Variants in CACNA1C observed in about 807,000 individuals in gnomAD.
CACNA1C encodes calcium voltage-gated channel subunit alpha1 C, also known as voltage-dependent L-type calcium channel subunit alpha-1C.
Under a neutral mutation model 229.0 loss-of-function variants are expected in CACNA1C, and 30 were observed. That is an observed-to-expected ratio of 0.13 (90% confidence interval 0.10 to 0.18). The LOEUF is 0.18. CACNA1C is among the 10% of genes least tolerant of loss of function. The pLI, the probability that CACNA1C is intolerant of heterozygous loss-of-function variation, is 1.00. For missense variants in CACNA1C, 1,658 were observed against 2,845.0 expected (o/e 0.58, Z 9.49); for synonymous variants, 1,114 against 1,132.5 (o/e 0.98, Z 0.33).
Position 2,608,613 on chromosome 12 carries a change from C to T in CACNA1C, c.3459C>T (p.Ile1153=), listed in dbSNP as rs374850501. 7 of 1,609,848 alleles carry T rather than the reference C, an allele frequency of 4.3e-6. No individual in the cohort carries two copies. The highest frequency in any genetic ancestry group is 3.3e-4 in the Middle Eastern group (2 of 6,058). The change falls in exon 27 of 47, where the codon ATC becomes ATT. Residue 1153 remains isoleucine (I), a synonymous_variant. Transcript: ENST00000399655. The surrounding 1 kb of genome is among the most constrained non-coding windows in gnomAD (Gnocchi z 4.2). The part of the protein sequence containing the change: ...SIFFIIYIII[I]AFFMMNIFVG... ...TCTTCATCATCTACATCATCATCATCGCCTTCTTCATGATGAACATCTTCG... is the reference window on the plus strand; with the variant it reads ...TCTTCATCATCTACATCATCATCATTGCCTTCTTCATGATGAACATCTTCG...
chr12:2,651,865 C>A lies in CACNA1C; in HGVS notation c.4074+97C>A. On this transcript the variant is annotated intron_variant, in intron 32 of 46. Transcript: ENST00000399655. The surrounding 1 kb of genome is among the most constrained non-coding windows in gnomAD (Gnocchi z 5.4). ...AAGGAGGAGCCCTCCACTCTGGGGC[C>A]CTGCTCCTTCCTCTGTGTGGCAGAA... The A allele has an allele frequency of 1.1e-6, 1 of 935,924 alleles. No individual in the cohort carries two copies. Among genetic ancestry groups the A allele is most frequent in the Non-Finnish European group, 1.6e-6 (1 of 637,218 alleles). The allele number at this position is 935,924 out of a possible 1,614,324, so 58.0% of individuals were successfully genotyped here. A position where few individuals can be genotyped will look rare whatever the true frequency, so the allele number is the denominator to read the frequency against.
chr12:2,662,440 T>A (rs1423485004), intron 34 of CACNA1C, among the ~76,000 whole-genome samples: 1 of 152,150 alleles, frequency 6.6e-6, no homozygotes, highest in African/African-American at 2.4e-5. Context: ...CAGCAGCAAA[T>A]GGACATAGCT....
At chr12:2,466,987 G>T (rs2099555689) in intron 5 of CACNA1C, among the ~76,000 whole-genome samples, 3 of 152,034 alleles carry the variant, frequency 2.0e-5, no homozygotes, top group Admixed American at 2.0e-4. Flanking sequence ...TCTTATAGGG[G>T]TCTTACAGGC....
At chr12:2,048,816 T>C (rs144688379), upstream of CACNA1C, among the ~76,000 whole-genome samples, 249 of 152,308 alleles carry the variant, frequency 1.6e-3, no homozygotes, top group African/African-American at 5.8e-3. Context: ...AAGAGCCTGC[T>C]TGGCAACCTG....
intron 3 of CACNA1C, among the ~76,000 whole-genome samples, chr12:2,364,664 G>A (rs2097675891): frequency 6.6e-6 from 1 of 152,176 alleles, no homozygotes; most frequent in African/African-American, 2.4e-5. Context: ...GCAGCTCTAG[G>A]GATGGCCACG....
At chr12:2,298,242 A>G (rs1375478397) in intron 3 of CACNA1C, among the ~76,000 whole-genome samples, 4 of 152,220 alleles carry the variant, frequency 2.6e-5, no homozygotes, top group Non-Finnish European at 5.9e-5. Context: ...TTTCACAAGG[A>G]ACACAATTGC....
chr12:2,333,930 C>T (rs1379750272), intron 3 of CACNA1C, among the ~76,000 whole-genome samples: 1 of 152,208 alleles, frequency 6.6e-6, no homozygotes, highest in Non-Finnish European at 1.5e-5. Context: ...AAGTTACTTG[C>T]CTCCCGTCAT....
At chr12:2,667,864 CT>C (rs1256990309) in intron 37 of CACNA1C, among the ~76,000 whole-genome samples, 1 of 152,182 alleles carries the variant, frequency 6.6e-6, no homozygotes, top group East Asian at 1.9e-4. Flanking sequence ...AATAGCCCCC[CT>C]TGAGCATGCC....
chr12:2,058,532 A>T (rs1046568719), intron 1 of CACNA1C, among the ~76,000 whole-genome samples: 16 of 150,444 alleles, frequency 1.1e-4, no homozygotes, highest in East Asian at 5.8e-4. Context: ...GATTGGTTTT[A>T]AAAAAAAAGG....
At chr12:2,591,267 C>T (rs996285389) in intron 18 of CACNA1C, among the ~76,000 whole-genome samples, 8 of 151,900 alleles carry the variant, frequency 5.3e-5, no homozygotes, top group African/African-American at 1.9e-4. Flanking sequence ...AGAGGGAGAA[C>T]ATGCAGAGGC....
intron 3 of CACNA1C, among the ~76,000 whole-genome samples, chr12:2,214,496 G>A (rs1283006708): frequency 1.3e-5 from 2 of 152,020 alleles, no homozygotes; most frequent in Non-Finnish European, 2.9e-5. Flanking sequence ...TCGTGAACTA[G>A]GACTATTATT....
At chr12:2,637,979 C>G (rs1169283815) in intron 30 of CACNA1C, among the ~76,000 whole-genome samples, 1 of 152,188 alleles carries the variant, frequency 6.6e-6, no homozygotes, top group Non-Finnish European at 1.5e-5. Flanking sequence ...ATGGGGCCCT[C>G]CCTCTCAGGA....
intron 13 of CACNA1C, among the ~76,000 whole-genome samples, chr12:2,574,484 A>G (rs11608641): frequency 0.061 from 9,347 of 152,146 alleles, 367 homozygotes; most frequent in Middle Eastern, 0.092. Context: ...CACACCTTCA[A>G]TCCCTCTTTA....
At chr12:2,661,268 C>CAT (rs1221834468) in intron 34 of CACNA1C, among the ~76,000 whole-genome samples, 1 of 138,420 alleles carries the variant, frequency 7.2e-6, no homozygotes, top group Admixed American at 7.2e-5. Flanking sequence ...TCTCTAAACA[C>CAT]ATACACACAC....
At chr12:2,084,766 C>T (rs147477798) in intron 1 of CACNA1C, among the ~76,000 whole-genome samples, 128 of 152,274 alleles carry the variant, frequency 8.4e-4, no homozygotes, top group Admixed American at 1.9e-3. Context: ...CATATTGAGT[C>T]GTAGCCTACT....
At chr12:2,080,372 C>T (rs577258402) in intron 1 of CACNA1C, among the ~76,000 whole-genome samples, 9 of 152,150 alleles carry the variant, frequency 5.9e-5, no homozygotes, top group East Asian at 3.9e-4. Context: ...GAAGCTGAGG[C>T]GGGTGGATCA....
chr12:2,627,621 G>A (rs900950177), intron 29 of CACNA1C, among the ~76,000 whole-genome samples: 1 of 152,082 alleles, frequency 6.6e-6, no homozygotes, highest in Admixed American at 6.5e-5. Flanking sequence ...ACTCAAGCAG[G>A]ACCTCTGCTC....
chr12:2,612,152 A>C (rs1194298941), intron 29 of CACNA1C, 139 bp downstream of exon 29: 18 of 634,074 alleles, frequency 2.8e-5, no homozygotes, highest in Admixed American at 2.7e-4. Context: ...TCCGATGGTC[A>C]GTGCCCCAAC....
At chr12:2,388,134 G>A (rs1215952429) in intron 3 of CACNA1C, among the ~76,000 whole-genome samples, 1 of 152,220 alleles carries the variant, frequency 6.6e-6, no homozygotes, top group Non-Finnish European at 1.5e-5. Context: ...CCAGGGGCTG[G>A]GGGGCTGGGG....
Sources: allele counts gnomAD v4.1 joint callset (sites outside exome capture counted in the v4.1 genomes callset), GRCh38; gene constraint gnomAD v4.1.1; non-coding constraint Gnocchi (gnomAD v3.1); transcripts MANE v1.5; gene names NCBI Gene and HGNC (gene_info 2026-07-23, HGNC 2026-07-21).